The following SRPRA variants were observed in gnomAD, a reference collection of about 807,000 sequenced individuals.
SRPRA encodes SRP receptor subunit alpha.
Under a neutral mutation model 61.1 loss-of-function variants are expected in SRPRA, and 30 were observed. That is an observed-to-expected ratio of 0.49 (90% CI 0.37 to 0.67). The LOEUF (loss-of-function observed/expected upper bound fraction) is 0.67, where lower values mean the gene tolerates loss of function less well. Among genes scored for constraint, SRPRA ranks in the 30% least tolerant of loss-of-function variants. The pLI, the probability that SRPRA is intolerant of heterozygous loss-of-function variation, is 0.00. For missense variants in SRPRA, 759 were observed against 828.4 expected (o/e 0.92, Z 1.03); for synonymous variants, 324 against 299.7 (o/e 1.08, Z -0.84).
At position 126,266,542 on chromosome 11, in the gene SRPRA, C is replaced by T. The variant is rs945103503; in HGVS notation, c.774G>A (p.Val258=). 5 of 1,614,214 alleles carry T rather than the reference C, an allele frequency of 3.1e-6. No individual in the cohort carries two copies. In the African/African-American group the frequency reaches 6.7e-5, roughly 22 times the overall value. The change falls in exon 6 of 14, where the codon GTG becomes GTA. Residue 258 remains valine (V), a synonymous_variant. Coordinates refer to ENST00000332118, the MANE Select transcript of SRPRA (RefSeq NM_003139.4). ...TGGTGGTGGGAGTACTGTAATCCAA[C>T]ACTTCTTTGTTAGCACAGCCACCCA... The part of the protein sequence containing the change: ...WELGGCANKE[V]LDYSTPTTNG...
Position 126,263,699 on chromosome 11 carries a change from A to G in SRPRA, c.*217T>C. ...AGTAGGAAGGGGGAGGCCCGCTGGGAGAGGGTCAGTGGGCAGTGATTGTAA... is the reference window on the plus strand; with the variant it reads ...AGTAGGAAGGGGGAGGCCCGCTGGGGGAGGGTCAGTGGGCAGTGATTGTAA... On this transcript the variant is annotated 3_prime_UTR_variant, in exon 14 of 14. Transcript: ENST00000332118. The G allele has an allele frequency of 1.7e-6, 1 of 604,750 alleles. No homozygotes were observed. The highest frequency in any genetic ancestry group is 2.8e-6 in the Non-Finnish European group (1 of 356,210). 37.5% of individuals were successfully genotyped at this position (604,750 alleles called of 1,614,324 possible).
chr11:126,263,764 C>A lies in SRPRA; in HGVS notation c.*152G>T. On this transcript the variant is annotated 3_prime_UTR_variant, in exon 14 of 14. Coordinates refer to ENST00000332118, the MANE Select transcript of SRPRA (RefSeq NM_003139.4). ...CCTTGCAGATGGCGGCTGTGCTGAA[C>A]GGGGAGTGGGGTTGGAAGGAGCCAC... 1 of 1,076,784 alleles carries A rather than the reference C, an allele frequency of 9.3e-7. No individual in the cohort carries two copies. Among genetic ancestry groups the A allele is most frequent in the South Asian group, 1.5e-5 (1 of 64,900 alleles). The allele number at this position is 1,076,784 out of a possible 1,614,324, so 66.7% of individuals were successfully genotyped here. A position where few individuals can be genotyped will look rare whatever the true frequency, so the allele number is the denominator to read the frequency against.
At chr11:126,262,099 CTCTT>C (rs751735410), downstream of SRPRA, 1 of 1,613,814 alleles carries the variant, frequency 6.2e-7, no homozygotes, top group South Asian at 1.1e-5. Flanking sequence ...TCATTTTGTT[CTCTT>C]TTCTTTCTCC....
At chr11:126,261,597 A>G (rs1950700836), downstream of SRPRA, 1 of 784,320 alleles carries the variant, frequency 1.3e-6, no homozygotes, top group Admixed American at 2.4e-5. Context: ...AAATTTTAAA[A>G]AACACTGTAG....
chr11:126,250,876 TTTTC>T, the SRPRA span: 2 of 617,762 alleles, frequency 3.2e-6, no homozygotes, highest in East Asian at 5.6e-5. The surrounding 1 kb of genome is among the most constrained non-coding windows in gnomAD (Gnocchi z 5.1). Flanking sequence ...TGTTTTTCTT[TTTTC>T]TTTCTTTTTA....
At chr11:126,236,917 C>CTTTTT in the SRPRA span, among the ~76,000 whole-genome samples, 2 of 68,410 alleles carry the variant, frequency 2.9e-5, no homozygotes, top group African/African-American at 7.6e-5. Context: ...TTCACAGATG[C>CTTTTT]TTTTTTTTTT....
At chr11:126,244,129 C>T in the SRPRA span, among the ~76,000 whole-genome samples, 15 of 152,274 alleles carry the variant, frequency 9.9e-5, no homozygotes, top group East Asian at 2.9e-3. This position sits in a 1 kb window ranked among gnomAD's most constrained non-coding sequence, Gnocchi z 4.5. Context: ...GAAAAACTCA[C>T]AGTTAACATA....
At chr11:126,240,158 A>C in the SRPRA span, among the ~76,000 whole-genome samples, 4 of 152,220 alleles carry the variant, frequency 2.6e-5, no homozygotes, top group African/African-American at 4.8e-5. Context: ...GTCTCTGCTT[A>C]TCATGGTAAG....
chr11:126,252,624 T>G, the SRPRA span, among the ~76,000 whole-genome samples: 1 of 152,144 alleles, frequency 6.6e-6, no homozygotes, highest in Non-Finnish European at 1.5e-5. This position sits in a 1 kb window ranked among gnomAD's most constrained non-coding sequence, Gnocchi z 4.7. Flanking sequence ...TTGCCTGTGG[T>G]CCCAGCTACT....
the SRPRA span, chr11:126,256,778 ATGGAGATGAC>A: frequency 6.2e-7 from 1 of 1,611,468 alleles, no homozygotes; most frequent in Non-Finnish European, 8.5e-7. This position sits in a 1 kb window ranked among gnomAD's most constrained non-coding sequence, Gnocchi z 6.6. Flanking sequence ...GTCATCTCCT[ATGGAGATGAC>A]TATGCCGATC....
the SRPRA span, among the ~76,000 whole-genome samples, chr11:126,236,444 G>A: frequency 2.0e-5 from 3 of 152,138 alleles, no homozygotes; most frequent in Non-Finnish European, 4.4e-5. Context: ...TGTATTGTAT[G>A]ACCTCTTTCC....
At chr11:126,239,678 T>C in the SRPRA span, among the ~76,000 whole-genome samples, 1 of 152,150 alleles carries the variant, frequency 6.6e-6, no homozygotes, top group South Asian at 2.1e-4. Flanking sequence ...CAGACCCAGC[T>C]AATTTTTGTA....
chr11:126,266,213 C>G lies in SRPRA; in HGVS notation c.906G>C (p.Gly302=). The change falls in exon 7 of 14, where the codon GGG becomes GGC. Residue 302 remains glycine, a synonymous_variant. Transcript: ENST00000332118. ...DLDCSSSDDE[G]AAQNSTKPSA... The stretch of plus-strand genomic sequence containing the variant: ...TAGGTTTGGTAGAGTTTTGAGCAGC[C>G]CCTTCGTCATCAGAGCTGCTGCAGT... The G allele has an allele frequency of 6.2e-7, 1 of 1,614,128 alleles. No individual in the cohort carries two copies. Among genetic ancestry groups the G allele is most frequent in the Non-Finnish European group, 8.5e-7 (1 of 1,180,034 alleles).
downstream of SRPRA, chr11:126,262,353 G>A (rs575352862): frequency 7.5e-4 from 428 of 572,352 alleles, 4 homozygotes; most frequent in South Asian, 1.2e-3. Context: ...GAATAAAAGC[G>A]ACAGCAGGAC....
chr11:126,265,034 G>A lies in SRPRA; in HGVS notation c.1450C>T (p.Arg484Cys), dbSNP rs142997401. ...TTTTCAAACAACTGCACCATGGTGC[G>A]GCCACCATGCTTCTCTGGAGGGTGT... is the stretch of plus-strand genomic sequence containing the variant. ...ALHPPEKHGG[R>C]TMVQLFEKGY... The change falls in exon 11 of 14, where the codon CGC becomes TGC. Residue 484 changes from arginine to cysteine, a missense_variant. Arg to Cys is a radical substitution (Grantham distance 180). This residue lies in a region of SRPRA where 284 missense variants were observed against 365.9 expected (regional missense o/e 0.78). Transcript: ENST00000332118. The surrounding 1 kb of genome is among the most constrained non-coding windows in gnomAD (Gnocchi z 6.3). 1.5e-5 allele frequency: 25 copies of A among 1,614,000 alleles called. No individual in the cohort carries two copies. Among genetic ancestry groups the A allele is most frequent in the Middle Eastern group, 1.6e-4 (1 of 6,084 alleles).
chr11:126,238,858 C>G, the SRPRA span, among the ~76,000 whole-genome samples: 2 of 151,726 alleles, frequency 1.3e-5, no homozygotes, highest in African/African-American at 4.8e-5. Context: ...CTTTACCTAG[C>G]CTACTTTTTA....
chr11:126,266,211 G>A lies in SRPRA; in HGVS notation c.908C>T (p.Ala303Val), dbSNP rs1459506741. 1.9e-6 allele frequency: 3 copies of A among 1,614,012 alleles called. No individual in the cohort carries two copies. The East Asian group carries it at 6.7e-5, about 36-fold the overall frequency. The change falls in exon 7 of 14, where the codon GCT becomes GTT. Residue 303 changes from alanine (A) to valine (V), a missense_variant. Transcript: ENST00000332118. ...LDCSSSDDEG[A>V]AQNSTKPSAT... ...CCTAGGTTTGGTAGAGTTTTGAGCA[G>A]CCCCTTCGTCATCAGAGCTGCTGCA...
rs1326245832 is a variant in SRPRA, at chr11:126,264,137, A to G, written c.1788+54T>C. On this transcript the variant is annotated intron_variant, in intron 13 of 13. Coordinates refer to ENST00000332118, the MANE Select transcript of SRPRA (RefSeq NM_003139.4). This position sits in a 1 kb window ranked among gnomAD's most constrained non-coding sequence, Gnocchi z 5.0. The stretch of plus-strand genomic sequence containing the variant: ...AGCGCTGGAGCCAAGATTTCCTTGC[A>G]GCCTCAGCTCCTTTGTGCAGGACGC... The G allele has an allele frequency of 7.4e-6, 12 of 1,611,928 alleles. No homozygotes were observed. Among genetic ancestry groups the G allele is most frequent in the African/African-American group, 1.3e-5 (1 of 74,874 alleles).
At chr11:126,256,548 T>A in the SRPRA span, 1 of 1,611,084 alleles carries the variant, frequency 6.2e-7, no homozygotes, top group Non-Finnish European at 8.5e-7. The surrounding 1 kb of genome is among the most constrained non-coding windows in gnomAD (Gnocchi z 6.6). Flanking sequence ...TGTCAATATG[T>A]TGTATCTTTT....
Sources: allele counts gnomAD v4.1 joint callset (sites outside exome capture counted in the v4.1 genomes callset), GRCh38; gene constraint gnomAD v4.1.1; regional missense constraint gnomAD v4.1.1; non-coding constraint Gnocchi (gnomAD v3.1); transcripts MANE v1.5; gene names NCBI Gene and HGNC (gene_info 2026-07-23, HGNC 2026-07-21).